Variants in SIPA1L2 observed in about 807,000 individuals in gnomAD.
SIPA1L2 encodes signal induced proliferation associated 1 like 2.
A neutral mutation model predicts 163.9 loss-of-function variants in SIPA1L2; 56 were observed. The observed-to-expected ratio is 0.34, with a 90% confidence interval of 0.28 to 0.43. SIPA1L2 has a LOEUF of 0.43. Ranked by LOEUF, SIPA1L2 falls within the 20% of genes least tolerant of loss-of-function variation. SIPA1L2 has a pLI of 1.00. For synonymous variants in SIPA1L2, 877 were observed against 865.7 expected, an observed-to-expected ratio of 1.01 and a Z score of -0.23; for missense variants, 1,974 against 2,193.5, an observed-to-expected ratio of 0.90 and a Z score of 2.00.
intron 2 of SIPA1L2, among the ~76,000 whole-genome samples, chr1:232,570,217 T>C (rs1158319697): frequency 1.3e-5 from 2 of 152,214 alleles, no homozygotes; most frequent in Admixed American, 6.5e-5. Context: ...ATGATAATAA[T>C]TTGATTTCTC....
chr1:232,422,385 C>T (rs1250150838), intron 18 of SIPA1L2, among the ~76,000 whole-genome samples: 3 of 152,186 alleles, frequency 2.0e-5, no homozygotes, highest in South Asian at 4.1e-4. Flanking sequence ...AAGATTGAGA[C>T]AGATTCAAAT....
Position 232,441,308 on chromosome 1 carries a change from G to A in SIPA1L2, c.3625C>T (p.Pro1209Ser), listed in dbSNP as rs778742489. 4 of 1,596,412 alleles carry A rather than the reference G, an allele frequency of 2.5e-6. No homozygotes were observed. The highest frequency in any genetic ancestry group is 2.6e-6 in the Non-Finnish European group (3 of 1,176,010). Reference protein sequence around the residue: ...LQKDGSCKDSPNKLSHIGDKS... With the variant: ...LQKDGSCKDSSNKLSHIGDKS... ...GGACTTACGTGAGAAAGCTTATTGG[G>A]GGAATCTTTGCAACTTCCATCTTTC... Residue 1209 changes from proline to serine, a missense_variant, in exon 14 of 23, where the codon CCC (proline) becomes TCC (serine). Pro to Ser is a moderately conservative substitution (Grantham distance 74). Transcript: ENST00000674635.
Position 232,441,791 on chromosome 1 carries a change from G to A in SIPA1L2, c.3515C>T (p.Thr1172Ile). 6.2e-7 allele frequency: 1 copy of A among 1,613,906 alleles called. No individual in the cohort carries two copies. The highest frequency in any genetic ancestry group is 8.5e-7 in the Non-Finnish European group (1 of 1,179,956). ...ECDGARERED[T>I]MEASRHPETK... ...ACCCGGGTGCCTGCTTGCTTCCATG[G>A]TGTCTTCCCTCTCCCTGGCTCCGTC... is the stretch of plus-strand genomic sequence containing the variant. The change falls in exon 13 of 23, where the codon ACC (threonine) becomes ATC (isoleucine). Residue 1172 changes from threonine (T) to isoleucine (I), a missense_variant. Physicochemically the swap from Thr to Ile is moderately conservative, Grantham distance 89 (BLOSUM62 -1). Transcript: ENST00000674635.
intron 1 of SIPA1L2, among the ~76,000 whole-genome samples, chr1:232,629,226 G>C (rs185595009): frequency 2.1e-3 from 326 of 152,296 alleles, no homozygotes; most frequent in African/African-American, 7.3e-3. Flanking sequence ...TTTGCGGCAC[G>C]GCTGAAAATT....
chr1:232,600,544 G>A (rs1012456864), intron 1 of SIPA1L2, among the ~76,000 whole-genome samples: 1 of 152,218 alleles, frequency 6.6e-6, no homozygotes, highest in Admixed American at 6.5e-5. Flanking sequence ...TGTTGTGTCT[G>A]AAACAGGCTT....
At chr1:232,399,624 C>T (rs10495320) in intron 22 of SIPA1L2, among the ~76,000 whole-genome samples, 10,108 of 152,092 alleles carry the variant, frequency 0.066, 907 homozygotes, top group East Asian at 0.48. Context: ...ATGCACAAAA[C>T]TTTCTAAGTA....
chr1:232,434,602 A>G (rs1222634066), intron 15 of SIPA1L2, among the ~76,000 whole-genome samples: 2 of 152,184 alleles, frequency 1.3e-5, no homozygotes, highest in Non-Finnish European at 1.5e-5. Context: ...ACAGGCATGA[A>G]TAATAGGAGC....
intron 10 of SIPA1L2, among the ~76,000 whole-genome samples, chr1:232,456,306 C>G (rs953481869): frequency 6.7e-6 from 1 of 150,202 alleles, no homozygotes; most frequent in Non-Finnish European, 1.5e-5. Flanking sequence ...ATACTCTCCT[C>G]TCTGCATACT....
chr1:232,571,857 A>C (rs1659748847), intron 2 of SIPA1L2, among the ~76,000 whole-genome samples: 1 of 152,186 alleles, frequency 6.6e-6, no homozygotes, highest in Non-Finnish European at 1.5e-5. Flanking sequence ...ACCAGAAGCC[A>C]AGCAGATGCC....
At chr1:232,547,369 T>C (rs554370317) in intron 2 of SIPA1L2, among the ~76,000 whole-genome samples, 1 of 150,790 alleles carries the variant, frequency 6.6e-6, no homozygotes, top group Admixed American at 6.6e-5. Context: ...CCTCACAAGA[T>C]GAAATCATCC....
chr1:232,523,097 T>C (rs1045688163), intron 2 of SIPA1L2, among the ~76,000 whole-genome samples: 6 of 152,238 alleles, frequency 3.9e-5, no homozygotes, highest in African/African-American at 1.2e-4. Flanking sequence ...AGAGACTTTA[T>C]ACTGTATTAG....
intron 2 of SIPA1L2, among the ~76,000 whole-genome samples, chr1:232,571,221 AT>A (rs1659707023): frequency 6.6e-6 from 1 of 152,236 alleles, no homozygotes; most frequent in African/African-American, 2.4e-5. Flanking sequence ...CTCAGTATTA[AT>A]TTTTTAGAAC....
chr1:232,519,332 C>T (rs1259269146), intron 2 of SIPA1L2, among the ~76,000 whole-genome samples: 5 of 152,348 alleles, frequency 3.3e-5, no homozygotes, highest in Middle Eastern at 6.8e-3. Context: ...TCTCTGTCCT[C>T]TTGTGAGCGT....
At chr1:232,604,807 C>T (rs1661805622) in intron 1 of SIPA1L2, among the ~76,000 whole-genome samples, 2 of 151,894 alleles carry the variant, frequency 1.3e-5, no homozygotes, top group Admixed American at 1.3e-4. Context: ...TGGCACATAA[C>T]CCCTCTCCTC....
At chr1:232,476,781 T>C (rs1665068750) in intron 7 of SIPA1L2, among the ~76,000 whole-genome samples, 1 of 152,192 alleles carries the variant, frequency 6.6e-6, no homozygotes, top group Admixed American at 6.5e-5. Flanking sequence ...TTAATACATC[T>C]TGGAATTGGC....
At chr1:232,515,890 C>A (rs552498081) in intron 2 of SIPA1L2, among the ~76,000 whole-genome samples, 49 of 152,330 alleles carry the variant, frequency 3.2e-4, no homozygotes, top group African/African-American at 1.1e-3. Flanking sequence ...GATCCCACAG[C>A]ACTCCATCTA....
At chr1:232,510,018 C>T (rs1666908557) in intron 3 of SIPA1L2, among the ~76,000 whole-genome samples, 1 of 152,110 alleles carries the variant, frequency 6.6e-6, no homozygotes, top group South Asian at 2.1e-4. Flanking sequence ...CTCCCCACTC[C>T]CTCATTTTGT....
chr1:232,561,757 G>A (rs1278453424), intron 2 of SIPA1L2, among the ~76,000 whole-genome samples: 1 of 152,206 alleles, frequency 6.6e-6, no homozygotes, highest in Non-Finnish European at 1.5e-5. Flanking sequence ...GATGGGAATG[G>A]TCTTGATGAA....
At chr1:232,594,416 GA>G (rs1416990749) in intron 1 of SIPA1L2, among the ~76,000 whole-genome samples, 1 of 152,084 alleles carries the variant, frequency 6.6e-6, no homozygotes, top group Non-Finnish European at 1.5e-5. Flanking sequence ...GCACACAGGA[GA>G]GACGTGAGTG....
Sources: allele counts gnomAD v4.1 joint callset (sites outside exome capture counted in the v4.1 genomes callset), GRCh38; gene constraint gnomAD v4.1.1; transcripts MANE v1.5; gene names NCBI Gene and HGNC (gene_info 2026-07-23, HGNC 2026-07-21).